The following TAF3 variants were observed in gnomAD, a reference collection of about 807,000 sequenced individuals.
TAF3 encodes the protein transcription initiation factor TFIID subunit 3.
In TAF3, 7 loss-of-function variants were observed where a neutral mutation model predicts 80.6. The observed-to-expected ratio is 0.09, with a 90% CI of 0.05 to 0.16. The LOEUF is 0.16. Ranked by LOEUF, TAF3 falls within the 10% of genes least tolerant of loss-of-function variation. The pLI is 1.00. For missense variants in TAF3, 921 were observed against 1,140.2 expected (o/e 0.81, Z 2.77); for synonymous variants, 444 against 446.1 (o/e 1.00, Z 0.06).
chr10:7,904,433 C>T (rs1410620499), intron 2 of TAF3, among the ~76,000 whole-genome samples: 2 of 152,140 alleles, frequency 1.3e-5, no homozygotes, highest in East Asian at 1.9e-4. Flanking sequence ...ATGAGAAAGA[C>T]GTTGTCTGTC....
chr10:7,888,604 A>T (rs1396182244), intron 2 of TAF3, among the ~76,000 whole-genome samples: 1 of 152,198 alleles, frequency 6.6e-6, no homozygotes, highest in African/African-American at 2.4e-5. Flanking sequence ...CAGTTTATCC[A>T]TGCCCAGTTA....
At chr10:7,913,029 C>T (rs1172578331) in intron 2 of TAF3, among the ~76,000 whole-genome samples, 4 of 152,158 alleles carry the variant, frequency 2.6e-5, no homozygotes, top group Non-Finnish European at 5.9e-5. Flanking sequence ...TCCCCTGAGA[C>T]CTCTTTCCTC....
rs140952204 is a variant in TAF3 at position 7,839,171 on chromosome 10, G to C, written c.409+14611G>C. Among the ~76,000 whole-genome samples, 822 of 152,110 alleles carry C rather than the reference G, an allele frequency of 5.4e-3. 13 individuals carry two copies. Among genetic ancestry groups the C allele is most frequent in the African/African-American group, 0.019 (795 of 41,466 alleles). ...GCTGATGTTTCCCAAAAATAACTATGTACCTGGGTCAGCTCATGCTGGCAT... is the reference window on the plus strand; with the variant it reads ...GCTGATGTTTCCCAAAAATAACTATCTACCTGGGTCAGCTCATGCTGGCAT... On this transcript the variant is annotated intron_variant, in intron 2 of 6. Transcript: ENST00000344293.
chr10:7,899,876 T>A (rs372298111), intron 2 of TAF3, among the ~76,000 whole-genome samples: 1 of 152,072 alleles, frequency 6.6e-6, no homozygotes, highest in African/African-American at 2.4e-5. Flanking sequence ...ACTAAGAAAA[T>A]GTAAACTGCA....
At chr10:7,957,226 C>T (rs574427195) in intron 2 of TAF3, among the ~76,000 whole-genome samples, 4 of 152,274 alleles carry the variant, frequency 2.6e-5, no homozygotes, top group African/African-American at 9.6e-5. Flanking sequence ...TACCCACTGT[C>T]CTTCAAAGCT....
chr10:7,863,711 A>G (rs1300965674), intron 2 of TAF3, among the ~76,000 whole-genome samples: 1 of 114,344 alleles, frequency 8.7e-6, no homozygotes, highest in Non-Finnish European at 1.8e-5. Flanking sequence ...ATATACACAT[A>G]TATATATACA....
chr10:7,864,373 A>G (rs1837188465), intron 2 of TAF3, among the ~76,000 whole-genome samples: 1 of 152,232 alleles, frequency 6.6e-6, no homozygotes, highest in Non-Finnish European at 1.5e-5. Context: ...TGAAGTATAT[A>G]GGCACTGTGG....
intron 3 of TAF3, among the ~76,000 whole-genome samples, chr10:7,969,337 C>T (rs1831601082): frequency 6.6e-6 from 1 of 151,964 alleles, no homozygotes; most frequent in South Asian, 2.1e-4. Context: ...TATCCAATTG[C>T]AGTCACAGCC....
intron 4 of TAF3, among the ~76,000 whole-genome samples, chr10:7,983,836 C>T (rs915859888): frequency 2.0e-5 from 3 of 146,360 alleles, no homozygotes; most frequent in African/African-American, 7.9e-5. Context: ...GAGACCCTGT[C>T]TCTAAAACAA....
At chr10:7,871,435 C>CTTTTTTTTTTGTTTTTTTTTT (rs1837264139) in intron 2 of TAF3, among the ~76,000 whole-genome samples, 1 of 69,116 alleles carries the variant, frequency 1.4e-5, no homozygotes, top group Non-Finnish European at 2.9e-5. Context: ...ATAACTGCTG[C>CTTTTTTTTTTGTTTTTTTTTT]TTTTTTTTTT....
intron 3 of TAF3, among the ~76,000 whole-genome samples, chr10:7,971,426 T>C (rs1047052853): frequency 1.3e-5 from 2 of 151,428 alleles, no homozygotes; most frequent in Non-Finnish European, 2.9e-5. Flanking sequence ...AATTTGCTGC[T>C]ACCCTAGCTA....
At chr10:7,846,088 A>G (rs1020006955) in intron 2 of TAF3, among the ~76,000 whole-genome samples, 28 of 150,838 alleles carry the variant, frequency 1.9e-4, no homozygotes, top group African/African-American at 6.6e-4. Flanking sequence ...CCTCCCAAGT[A>G]GCTGGGACTA....
At chr10:7,885,249 GACACACACAC>G (rs71385678) in intron 2 of TAF3, among the ~76,000 whole-genome samples, 1 of 148,604 alleles carries the variant, frequency 6.7e-6, no homozygotes, top group Non-Finnish European at 1.5e-5. Flanking sequence ...TATAAATTTT[GACACACACAC>G]ACACACACAC....
chr10:7,838,359 G>T (rs11255396), intron 2 of TAF3, among the ~76,000 whole-genome samples: 18 of 121,472 alleles, frequency 1.5e-4, no homozygotes, highest in Non-Finnish European at 2.8e-4. Flanking sequence ...AGCCAGTTTT[G>T]TTTTTTTTTG....
intron 2 of TAF3, among the ~76,000 whole-genome samples, chr10:7,895,235 T>C (rs750405590): frequency 9.2e-5 from 14 of 152,214 alleles, no homozygotes; most frequent in Non-Finnish European, 1.8e-4. Context: ...CTTGTTTTTA[T>C]TGGCCCATTG....
At chr10:7,868,693 G>T (rs928907237) in intron 2 of TAF3, among the ~76,000 whole-genome samples, 1 of 152,216 alleles carries the variant, frequency 6.6e-6, no homozygotes, top group Non-Finnish European at 1.5e-5. Context: ...TAACAGGGTA[G>T]TAGTGAAGAT....
intron 2 of TAF3, among the ~76,000 whole-genome samples, chr10:7,883,871 G>T (rs1465822703): frequency 6.6e-6 from 1 of 152,236 alleles, no homozygotes; most frequent in Non-Finnish European, 1.5e-5. Context: ...ACAAGGTAGA[G>T]GGGCTACATC....
In TAF3 at chr10:7,886,018, T is replaced by A. The variant is rs538564871; in HGVS notation, c.409+61458T>A. On this transcript the variant is annotated intron_variant, in intron 2 of 6. Coordinates refer to ENST00000344293, the MANE Select transcript of TAF3 (RefSeq NM_031923.4). ...ACGATGGCTCACTACAGCCTCAACCTCCTGGGCCCAAGTGATCCTCCTGCG... is the reference window on the plus strand; with the variant it reads ...ACGATGGCTCACTACAGCCTCAACCACCTGGGCCCAAGTGATCCTCCTGCG... Among the ~76,000 whole-genome samples the A allele has an allele frequency of 6.4e-4, 98 of 152,244 alleles. 1 individual carries two copies. The Middle Eastern group carries it at 0.01, about 16-fold the overall frequency.
At chr10:7,847,500 A>C (rs1325574644) in intron 2 of TAF3, among the ~76,000 whole-genome samples, 1 of 152,222 alleles carries the variant, frequency 6.6e-6, no homozygotes, top group Non-Finnish European at 1.5e-5. Context: ...GCTGGAGCGC[A>C]GTGGTGCAGT....
Sources: gnomAD v4.1 joint callset for allele counts (sites outside exome capture counted in the v4.1 genomes callset) on GRCh38, gnomAD v4.1.1 for gene constraint, MANE v1.5 for transcripts, NCBI Gene and HGNC (gene_info 2026-07-23, HGNC 2026-07-21) for gene names.